ZFC3H1: variants seen among roughly 807,000 people sequenced by gnomAD.
The protein encoded by ZFC3H1 is zinc finger C3H1 domain-containing protein.
ZFC3H1 carries 71 observed loss-of-function variants against 243.7 expected under a neutral mutation model. The ratio of observed to expected loss-of-function variants is 0.29; its 90% confidence interval spans 0.24 to 0.36. The LOEUF (loss-of-function observed/expected upper bound fraction) is 0.36. Among genes scored for constraint, ZFC3H1 ranks in the 10% least tolerant of loss-of-function variants. ZFC3H1 has a pLI of 1.00. For missense variants in ZFC3H1, 1,966 were observed against 2,317.1 expected, an observed-to-expected ratio of 0.85 and a Z score of 3.11; for synonymous variants, 838 against 813.0, an observed-to-expected ratio of 1.03 and a Z score of -0.52.
At chr12:71,613,477 T>C in intron 30 of ZFC3H1, 42 bp from the exon 31 acceptor site, 2 of 1,436,766 alleles carry the variant, frequency 1.4e-6, no homozygotes, top group African/African-American at 1.4e-5. Context: ...GCAACCAAAA[T>C]GTGAAATCCA....
intron 1 of ZFC3H1, 63 bp downstream of exon 1, chr12:71,662,950 T>G: frequency 6.9e-7 from 1 of 1,454,514 alleles, no homozygotes; most frequent in Non-Finnish European, 9.2e-7. Flanking sequence ...CTCACAGACC[T>G]AGTAATGACG....
chr12:71,619,336 T>C lies in ZFC3H1; in HGVS notation c.5123A>G (p.Tyr1708Cys), dbSNP rs941582760. ...ASFFKPGFEK[Y>C]NNLDLFRYLL... is the part of the protein sequence containing the mutation. ...TTACCGAAACAGATCCAAGTTATTA[T>C]ACTTCTCAAACCCCGGTTTAAAGAA... The change falls in exon 27 of 35, where the codon TAT becomes TGT. Residue 1708 changes from tyrosine to cysteine, a missense_variant. Around this residue, in one of 4 missense-constraint regions of ZFC3H1, gnomAD observed 1,383 missense variants for 1,723.7 expected, o/e 0.80. Coordinates refer to ENST00000378743, the MANE Select transcript of ZFC3H1 (RefSeq NM_144982.5). 6.2e-7 allele frequency: 1 copy of C among 1,613,776 alleles called. No homozygotes were observed. The highest frequency in any genetic ancestry group is 2.2e-5 in the East Asian group (1 of 44,816).
At chr12:71,649,106 A>AG (rs1555181235) in intron 2 of ZFC3H1, among the ~76,000 whole-genome samples, 2 of 151,432 alleles carry the variant, frequency 1.3e-5, no homozygotes, top group Non-Finnish European at 2.9e-5. Context: ...AAAAAAAAAA[A>AG]AAAAGAAAAG....
intron 2 of ZFC3H1, among the ~76,000 whole-genome samples, chr12:71,649,582 T>C (rs1056792364): frequency 1.7e-4 from 26 of 152,218 alleles, no homozygotes; most frequent in African/African-American, 5.3e-4. Flanking sequence ...ACACACCCTA[T>C]TGTTTTTATT....
At chr12:71,623,184 T>TC (rs1461734132) in intron 24 of ZFC3H1, among the ~76,000 whole-genome samples, 176 bp downstream of exon 24, 2 of 152,218 alleles carry the variant, frequency 1.3e-5, no homozygotes, top group African/African-American at 2.4e-5. Flanking sequence ...GATGCCAGTG[T>TC]CCATCTTCTC....
Position 71,663,438 on chromosome 12 carries a change from G to C in ZFC3H1, c.173C>G (p.Pro58Arg). ...AGATCCACCGCCCCGGGCCGAGTGAGGAGGCCTTCGCCGCGGATAGGGTAA... is the reference window on the plus strand; with the variant it reads ...AGATCCACCGCCCCGGGCCGAGTGACGAGGCCTTCGCCGCGGATAGGGTAA... Reference protein sequence around the residue: ...GLLPYPRRRPPHSARGGGSGG... With the variant: ...GLLPYPRRRPRHSARGGGSGG... The change falls in exon 1 of 35, where the codon CCT becomes CGT. Residue 58 changes from proline to arginine, a missense_variant. Physicochemically the swap from Pro to Arg is moderately radical, Grantham distance 103. This residue lies in a region of ZFC3H1 where 484 missense variants were observed against 449.7 expected (regional missense o/e 1.08). Transcript: ENST00000378743. 1 of 1,611,984 alleles carries C rather than the reference G, an allele frequency of 6.2e-7. No individual in the cohort carries two copies. Among genetic ancestry groups the C allele is most frequent in the Non-Finnish European group, 8.5e-7 (1 of 1,180,028 alleles).
At chr12:71,645,645 G>A (rs1880711389) in intron 3 of ZFC3H1, among the ~76,000 whole-genome samples, 2 of 152,278 alleles carry the variant, frequency 1.3e-5, no homozygotes, top group South Asian at 4.1e-4. Context: ...TGACTGTTAT[G>A]TGTTCTAAGG....
intron 27 of ZFC3H1, among the ~76,000 whole-genome samples, chr12:71,617,755 A>C (rs1879924874): frequency 6.6e-6 from 1 of 152,218 alleles, no homozygotes; most frequent in Admixed American, 6.5e-5. Flanking sequence ...TGGAAGTTTA[A>C]TTATTTTCTA....
chr12:71,615,223 A>G lies in ZFC3H1; in HGVS notation c.5238T>C (p.Tyr1746=), dbSNP rs954763361. The change falls in exon 28 of 35, where the codon TAT becomes TAC. Residue 1746 remains tyrosine (Y), a synonymous_variant. Transcript: ENST00000378743. ...DDDMFNHQVP[Y]LWLIYCLCHP... is the part of the protein sequence containing the mutation. ...TGTCTCACCAGTAAATCAGCCACAA[A>G]TAAGGAACTTGGTGGTTAAACATAT... 2 of 1,612,096 alleles carry G rather than the reference A, an allele frequency of 1.2e-6. No homozygotes were observed. Among genetic ancestry groups the G allele is most frequent in the Non-Finnish European group, 8.5e-7 (1 of 1,179,096 alleles).
chr12:71,621,805 A>AC (rs571063064), intron 24 of ZFC3H1, among the ~76,000 whole-genome samples: 22 of 149,320 alleles, frequency 1.5e-4, no homozygotes, highest in African/African-American at 4.5e-4. Flanking sequence ...TTAATCTTCA[A>AC]CCCCCCCGCC....
In ZFC3H1 at chr12:71,657,077, C is replaced by T. The variant is rs775452217; in HGVS notation, c.823G>A (p.Val275Ile). Residue 275 changes from valine (V) to isoleucine (I), a missense_variant, in exon 2 of 35, where the codon GTC becomes ATC. Physicochemically the swap from Val to Ile is conservative, Grantham distance 29. This residue lies in a region of ZFC3H1 where 484 missense variants were observed against 449.7 expected (regional missense o/e 1.08). Coordinates refer to ENST00000378743, the MANE Select transcript of ZFC3H1 (RefSeq NM_144982.5). Reference protein sequence around the residue: ...NFEDQTSTDNVSITKDSSKEV... With the variant: ...NFEDQTSTDNISITKDSSKEV... ...TTACTTGAATCCTTTGTAATACTGA[C>T]ATTATCAGTGCTAGTTTGGTCCTCG... The T allele has an allele frequency of 1.2e-6, 2 of 1,613,918 alleles. No homozygotes were observed. Among genetic ancestry groups the T allele is most frequent in the South Asian group, 1.1e-5 (1 of 91,072 alleles).
rs1445576337 is a variant in ZFC3H1 at position 71,635,548 on chromosome 12, T to C, written c.2133A>G (p.Leu711=). The change falls in exon 10 of 35, where the codon CTA becomes CTG. Residue 711 remains leucine (L), a synonymous_variant. Coordinates refer to ENST00000378743, the MANE Select transcript of ZFC3H1 (RefSeq NM_144982.5). The part of the protein sequence containing the change: ...LPKHKSVVVT[L]NDSDDSESDG... ...CAGATTCACTATCATCTGAATCATT[T>C]AGTGTTACAACCACTGATTTATGCT... The C allele has an allele frequency of 2.3e-5, 36 of 1,562,676 alleles. No homozygotes were observed. Among genetic ancestry groups the C allele is most frequent in the Non-Finnish European group, 3.0e-5 (35 of 1,163,886 alleles).
chr12:71,634,441 C>G, intron 11 of ZFC3H1, 137 bp from the exon 12 acceptor site: 2 of 1,134,846 alleles, frequency 1.8e-6, no homozygotes, highest in Non-Finnish European at 2.4e-6. Flanking sequence ...ATGCAAGACC[C>G]AAGTCAGCAT....
chr12:71,617,776 T>G (rs751985045), intron 27 of ZFC3H1, among the ~76,000 whole-genome samples: 14 of 152,240 alleles, frequency 9.2e-5, no homozygotes, highest in Non-Finnish European at 1.8e-4. Context: ...TTAATTTGCA[T>G]TTAAAATTAT....
chr12:71,623,029 TAAAAA>T (rs34100899), intron 24 of ZFC3H1, among the ~76,000 whole-genome samples: 1 of 144,900 alleles, frequency 6.9e-6, no homozygotes. Context: ...AATGGACTGC[TAAAAA>T]AAAAAAAAAG....
chr12:71,623,660 T>C lies in ZFC3H1; in HGVS notation c.4507-63A>G, dbSNP rs1345774221. The C allele has an allele frequency of 3.4e-6, 4 of 1,170,148 alleles. No individual in the cohort carries two copies. In the African/African-American group the frequency reaches 4.7e-5, roughly 14 times the overall value. The allele number at this position is 1,170,148 out of a possible 1,614,324, so 72.5% of individuals were successfully genotyped here. A position where few individuals can be genotyped will look rare whatever the true frequency, so the allele number is the denominator to read the frequency against. On this transcript the variant is annotated intron_variant, in intron 23 of 34. Coordinates refer to ENST00000378743, the MANE Select transcript of ZFC3H1 (RefSeq NM_144982.5). ...AGATGTCAGTACCAGATTAACATAA[T>C]TTTTACTATGCTAAAGTTTATGAAA...
Position 71,642,421 on chromosome 12 carries a change from A to G in ZFC3H1, c.1627+15T>C. Reference sequence around the variant, plus strand: ...TACATGTAAATACACAAAGGTTTCAAGTTTTGGCTCATACCTGGAGAACTG... The same window carrying G: ...TACATGTAAATACACAAAGGTTTCAGGTTTTGGCTCATACCTGGAGAACTG... On this transcript the variant is annotated intron_variant, in intron 6 of 34. Coordinates refer to ENST00000378743, the MANE Select transcript of ZFC3H1 (RefSeq NM_144982.5). 6.2e-7 allele frequency: 1 copy of G among 1,606,956 alleles called. No individual in the cohort carries two copies.
At chr12:71,634,877 T>C (rs773219162) in intron 10 of ZFC3H1, 52 bp from the exon 11 acceptor site, 12 of 1,553,064 alleles carry the variant, frequency 7.7e-6, no homozygotes, top group Non-Finnish European at 1.0e-5. Context: ...TTTCCAAAAT[T>C]CCATACTAAG....
At chr12:71,656,647 C>G (rs1185528678) in intron 2 of ZFC3H1, 1 of 588,298 alleles carries the variant, frequency 1.7e-6, no homozygotes, top group African/African-American at 1.9e-5. Context: ...CCACTATTAT[C>G]ACTTATGTAT....
Sources: allele counts gnomAD v4.1 joint callset (sites outside exome capture counted in the v4.1 genomes callset), GRCh38; gene constraint gnomAD v4.1.1; regional missense constraint gnomAD v4.1.1; transcripts MANE v1.5; gene names NCBI Gene and HGNC (gene_info 2026-07-23, HGNC 2026-07-21).